The following HPSE2 variants were observed in gnomAD, a reference collection of about 807,000 sequenced individuals.
HPSE2 encodes the protein inactive heparanase-2.
A neutral mutation model predicts 60.5 loss-of-function variants in HPSE2; 38 were observed. That is an observed-to-expected ratio of 0.63 (90% confidence interval 0.48 to 0.82). The LOEUF (loss-of-function observed/expected upper bound fraction) is 0.82, where lower values mean the gene tolerates loss of function less well. Among genes scored for constraint, HPSE2 ranks in the 40% least tolerant of loss-of-function variants. The pLI, the probability that HPSE2 is intolerant of heterozygous loss-of-function variation, is 0.00. For synonymous variants in HPSE2, 295 were observed against 293.2 expected, an observed-to-expected ratio of 1.01 and a Z score of -0.06; for missense variants, 713 against 740.4, an observed-to-expected ratio of 0.96 and a Z score of 0.43.
intron 3 of HPSE2, among the ~76,000 whole-genome samples, chr10:98,803,131 G>A (rs1456029923): frequency 6.6e-6 from 1 of 151,926 alleles, no homozygotes; most frequent in Non-Finnish European, 1.5e-5. Flanking sequence ...TTTGAGAAGT[G>A]TTTGTTCATG....
At chr10:98,525,993 A>C (rs1942955007) in intron 9 of HPSE2, among the ~76,000 whole-genome samples, 1 of 152,216 alleles carries the variant, frequency 6.6e-6, no homozygotes, top group Non-Finnish European at 1.5e-5. Flanking sequence ...GCATTGTCTA[A>C]GATGTATTTC....
intron 3 of HPSE2, among the ~76,000 whole-genome samples, chr10:98,935,792 T>A (rs112478904): frequency 6.9e-6 from 1 of 144,998 alleles, no homozygotes; most frequent in East Asian, 2.0e-4. Flanking sequence ...AGGCAGTCTG[T>A]CCCTTAGCAG....
At chr10:99,248,701 T>C in the HPSE2 span, among the ~76,000 whole-genome samples, 1 of 152,182 alleles carries the variant, frequency 6.6e-6, no homozygotes, top group African/African-American at 2.4e-5. Flanking sequence ...CAAAGGCATT[T>C]CAGAGACCTT....
At chr10:98,746,034 C>G (rs1357006872) in intron 3 of HPSE2, among the ~76,000 whole-genome samples, 1 of 151,996 alleles carries the variant, frequency 6.6e-6, no homozygotes, top group African/African-American at 2.4e-5. Flanking sequence ...GAAAGTATTT[C>G]TTAAGAAGCA....
At chr10:98,493,935 C>T (rs1040671840) in intron 9 of HPSE2, among the ~76,000 whole-genome samples, 1 of 152,074 alleles carries the variant, frequency 6.6e-6, no homozygotes, top group African/African-American at 2.4e-5. Flanking sequence ...TTTCTCATTA[C>T]CTTTTGTGCA....
chr10:98,461,363 T>C (rs7067713), intron 11 of HPSE2, among the ~76,000 whole-genome samples: 81,087 of 152,098 alleles, frequency 0.53, 21,886 homozygotes, highest in African/African-American at 0.61. Flanking sequence ...GTAGGAGGCT[T>C]CTATATGGAG....
chr10:99,279,633 A>C, the HPSE2 span, among the ~76,000 whole-genome samples: 5 of 152,246 alleles, frequency 3.3e-5, no homozygotes, highest in African/African-American at 1.2e-4. Context: ...AGTAAATATG[A>C]ATGCCTAGTG....
At chr10:98,472,326 A>G (rs1442691337) in intron 11 of HPSE2, among the ~76,000 whole-genome samples, 3 of 152,154 alleles carry the variant, frequency 2.0e-5, no homozygotes, top group Non-Finnish European at 4.4e-5. Context: ...ACTCACAGCC[A>G]GCTCGTAAAT....
At chr10:99,136,656 T>C (rs962279880) in intron 3 of HPSE2, among the ~76,000 whole-genome samples, 6 of 152,276 alleles carry the variant, frequency 3.9e-5, no homozygotes, top group Middle Eastern at 3.4e-3. Flanking sequence ...ATTATCTCAA[T>C]AGATGCAGAA....
chr10:98,532,746 T>C (rs948809601), intron 9 of HPSE2, among the ~76,000 whole-genome samples: 1 of 152,176 alleles, frequency 6.6e-6, no homozygotes, highest in African/African-American at 2.4e-5. Context: ...CCAGGTATAA[T>C]CAGCTTTTTT....
intron 2 of HPSE2, among the ~76,000 whole-genome samples, chr10:99,204,141 C>A (rs965934983): frequency 6.6e-6 from 1 of 152,130 alleles, no homozygotes; most frequent in Admixed American, 6.5e-5. Context: ...CTACATTGGA[C>A]CCAGACTTCA....
chr10:98,496,733 G>A (rs1941851908), intron 9 of HPSE2, among the ~76,000 whole-genome samples: 1 of 152,224 alleles, frequency 6.6e-6, no homozygotes, highest in South Asian at 2.1e-4. Flanking sequence ...TGAAGAGACA[G>A]ATTCATGATG....
intron 3 of HPSE2, chr10:99,047,518 T>A (rs1279775236): frequency 2.3e-6 from 1 of 439,142 alleles, no homozygotes; most frequent in Non-Finnish European, 4.0e-6. Flanking sequence ...AAGAAACTAT[T>A]ACTAAAGAGA....
At chr10:99,216,052 T>C (rs1485281060) in intron 2 of HPSE2, among the ~76,000 whole-genome samples, 1 of 152,168 alleles carries the variant, frequency 6.6e-6, no homozygotes, top group African/African-American at 2.4e-5. Flanking sequence ...CAGAAGAAAA[T>C]ACGTTTAATC....
chr10:98,612,900 G>A (rs780363728), intron 9 of HPSE2, among the ~76,000 whole-genome samples: 13 of 152,078 alleles, frequency 8.5e-5, no homozygotes, highest in Non-Finnish European at 1.5e-4. Flanking sequence ...TATGACTCCT[G>A]CCTACCTCAT....
chr10:98,898,630 G>A (rs1953567939), intron 3 of HPSE2, among the ~76,000 whole-genome samples: 1 of 152,014 alleles, frequency 6.6e-6, no homozygotes, highest in Non-Finnish European at 1.5e-5. Context: ...AAACTATTCT[G>A]TATATTATAG....
At chr10:99,231,155 A>T (rs913440072) in intron 2 of HPSE2, among the ~76,000 whole-genome samples, 11 of 152,314 alleles carry the variant, frequency 7.2e-5, no homozygotes, top group Admixed American at 2.6e-4. Context: ...TGGCACTTAA[A>T]AAAAAATGTT....
chr10:99,000,357 G>C (rs1956749427), intron 3 of HPSE2, among the ~76,000 whole-genome samples: 1 of 152,124 alleles, frequency 6.6e-6, no homozygotes, highest in African/African-American at 2.4e-5. Context: ...TCATGAAAAT[G>C]TTTTGTGGAC....
At chr10:98,846,675 A>C (rs1357161559) in intron 3 of HPSE2, among the ~76,000 whole-genome samples, 2 of 152,226 alleles carry the variant, frequency 1.3e-5, no homozygotes, top group Non-Finnish European at 2.9e-5. Context: ...AAACAAACAA[A>C]TAAACAAATG....
Sources: allele counts gnomAD v4.1 joint callset (sites outside exome capture counted in the v4.1 genomes callset), GRCh38; gene constraint gnomAD v4.1.1; transcripts MANE v1.5; gene names NCBI Gene and HGNC (gene_info 2026-07-23, HGNC 2026-07-21).